THSD4: variants seen among roughly 807,000 people sequenced by gnomAD.
THSD4 encodes the protein thrombospondin type-1 domain-containing protein 4.
In THSD4, 69 loss-of-function variants were observed where a neutral mutation model predicts 119.0. The ratio of observed to expected loss-of-function variants is 0.58; its 90% CI spans 0.48 to 0.71. THSD4 has a LOEUF of 0.71. Among genes scored for constraint, THSD4 ranks in the 30% least tolerant of loss-of-function variants. The pLI is 0.00. For synonymous variants in THSD4, 524 were observed against 540.4 expected (o/e 0.97, Z 0.42); for missense variants, 1,393 against 1,391.1 (o/e 1.00, Z -0.02).
chr15:71,365,596 G>C (rs2045951196), intron 6 of THSD4, among the ~76,000 whole-genome samples: 1 of 152,274 alleles, frequency 6.6e-6, no homozygotes, highest in South Asian at 2.1e-4. Context: ...GGTCTGTTCT[G>C]TTCTCTTGCT....
chr15:71,663,251 C>CA (rs59067309), intron 8 of THSD4, among the ~76,000 whole-genome samples: 17,364 of 146,316 alleles, frequency 0.12, 1,081 homozygotes, highest in East Asian at 0.2. Flanking sequence ...GACACTATAT[C>CA]AAAAAAAAAA....
Position 71,779,701 on chromosome 15 carries a change from T to C in THSD4, c.*2327T>C, listed in dbSNP as rs776214575. 1 of 151,852 alleles carries C rather than the reference T, an allele frequency of 6.6e-6. No homozygotes were observed. The highest frequency in any genetic ancestry group is 1.5e-5 in the Non-Finnish European group (1 of 68,048). 9.4% of individuals were successfully genotyped at this position (151,852 alleles called of 1,614,324 possible). A position where few individuals can be genotyped will look rare whatever the true frequency, so the allele number is the denominator to read the frequency against. On this transcript the variant is annotated 3_prime_UTR_variant, in exon 18 of 18. Transcript: ENST00000261862. ...GTCTCTTTATGTCTAAAGTGCCCTA[T>C]GGCTGCTGAAGGTTACCTAACCATT...
chr15:71,363,232 A>G (rs2045917025), intron 6 of THSD4, among the ~76,000 whole-genome samples: 1 of 152,246 alleles, frequency 6.6e-6, no homozygotes, highest in Non-Finnish European at 1.5e-5. Context: ...GGTCACACAA[A>G]AGCAGCCATA....
At chr15:71,631,439 CTG>C (rs774438842) in intron 7 of THSD4, among the ~76,000 whole-genome samples, 1 of 152,178 alleles carries the variant, frequency 6.6e-6, no homozygotes, top group African/African-American at 2.4e-5. Flanking sequence ...CACTAAGTCT[CTG>C]TGTTTGCTCT....
At chr15:71,263,145 T>C (rs1305785499) in intron 6 of THSD4, among the ~76,000 whole-genome samples, 1 of 151,872 alleles carries the variant, frequency 6.6e-6, no homozygotes, top group Admixed American at 6.6e-5. Flanking sequence ...TAGGCTCCAG[T>C]GTGTGTTGTT....
chr15:71,311,356 A>G (rs2045108269), intron 6 of THSD4, among the ~76,000 whole-genome samples: 2 of 152,198 alleles, frequency 1.3e-5, no homozygotes, highest in African/African-American at 4.8e-5. Context: ...GTCATCTTAG[A>G]AGGGGATAGC....
intron 16 of THSD4, among the ~76,000 whole-genome samples, chr15:71,765,716 A>C (rs1322732353): frequency 6.6e-6 from 1 of 152,166 alleles, no homozygotes. Context: ...CAGCCAGGTC[A>C]ACTAGCAAGA....
At chr15:71,690,733 G>A (rs2052030234) in intron 8 of THSD4, among the ~76,000 whole-genome samples, 1 of 152,136 alleles carries the variant, frequency 6.6e-6, no homozygotes, top group South Asian at 2.1e-4. Context: ...TTACATGGAT[G>A]GCAGCAGGCA....
At chr15:71,551,462 G>A (rs966220031) in intron 7 of THSD4, among the ~76,000 whole-genome samples, 3 of 152,228 alleles carry the variant, frequency 2.0e-5, no homozygotes, top group African/African-American at 7.2e-5. Flanking sequence ...ACTGAGGCTT[G>A]AAGGGCTGTG....
chr15:71,765,324 T>C, intron 16 of THSD4, 125 bp downstream of exon 16: 1 of 1,179,748 alleles, frequency 8.5e-7, no homozygotes, highest in Non-Finnish European at 1.1e-6. Flanking sequence ...CAATCTACCT[T>C]AGGTGGTAGC....
chr15:71,132,817 C>T (rs540360552), intron 1 of THSD4, among the ~76,000 whole-genome samples: 1 of 152,142 alleles, frequency 6.6e-6, no homozygotes, highest in South Asian at 2.1e-4. Context: ...TATGTGTGTA[C>T]GCTCATGCAC....
intron 6 of THSD4, among the ~76,000 whole-genome samples, chr15:71,355,745 C>A (rs1220824068): frequency 6.6e-6 from 1 of 152,168 alleles, no homozygotes; most frequent in Non-Finnish European, 1.5e-5. Flanking sequence ...GAGCGTGCTG[C>A]TGGCTTGACT....
chr15:71,268,922 G>T (rs779581395), intron 6 of THSD4, among the ~76,000 whole-genome samples: 27 of 152,022 alleles, frequency 1.8e-4, no homozygotes, highest in Non-Finnish European at 3.4e-4. Flanking sequence ...GGAAGAAGTC[G>T]AATCCCTGAA....
At chr15:71,651,317 T>A (rs1210170453) in intron 7 of THSD4, among the ~76,000 whole-genome samples, 1 of 152,220 alleles carries the variant, frequency 6.6e-6, no homozygotes, top group African/African-American at 2.4e-5. Flanking sequence ...GTGCCCATCT[T>A]AATGCAGTTG....
chr15:71,168,778 T>C (rs1029187644), intron 3 of THSD4, among the ~76,000 whole-genome samples: 2 of 152,078 alleles, frequency 1.3e-5, no homozygotes, highest in African/African-American at 4.8e-5. Flanking sequence ...AGAAAGCCTA[T>C]AGAAGGGGAA....
intron 7 of THSD4, among the ~76,000 whole-genome samples, chr15:71,643,525 T>A (rs781367304): frequency 1.3e-5 from 2 of 152,196 alleles, no homozygotes; most frequent in Non-Finnish European, 2.9e-5. Flanking sequence ...TGTGTTCTCA[T>A]CATTTAGTTC....
chr15:71,276,980 A>G (rs1466985974), intron 6 of THSD4, among the ~76,000 whole-genome samples: 1 of 152,194 alleles, frequency 6.6e-6, no homozygotes, highest in African/African-American at 2.4e-5. Context: ...AATCAAGGAT[A>G]GTTTTAAAAA....
At chr15:71,588,653 C>G (rs1416408115) in intron 7 of THSD4, among the ~76,000 whole-genome samples, 1 of 152,084 alleles carries the variant, frequency 6.6e-6, no homozygotes, top group African/African-American at 2.4e-5. Context: ...AGGCTGGTCT[C>G]GAATTCCTGG....
chr15:71,727,543 A>AAACAAAC, intron 8 of THSD4, among the ~76,000 whole-genome samples: 1 of 39,894 alleles, frequency 2.5e-5, no homozygotes, highest in African/African-American at 7.8e-5. Context: ...AAAAAAAAAA[A>AAACAAAC]AAAAAAAAAA....
Sources: allele counts gnomAD v4.1 joint callset (sites outside exome capture counted in the v4.1 genomes callset), GRCh38; gene constraint gnomAD v4.1.1; transcripts MANE v1.5; gene names NCBI Gene and HGNC (gene_info 2026-07-23, HGNC 2026-07-21).